Variants in ZFAND6 observed in about 807,000 individuals in gnomAD.
ZFAND6 encodes AN1-type zinc finger protein 6.
In ZFAND6, 12 loss-of-function variants were observed where a neutral mutation model predicts 24.5. That is an observed-to-expected ratio of 0.49 (90% CI 0.31 to 0.79). ZFAND6 has a LOEUF of 0.79. ZFAND6 is among the 30% of genes least tolerant of loss of function. ZFAND6 has a pLI of 0.04. For missense variants in ZFAND6, 207 were observed against 245.9 expected, an observed-to-expected ratio of 0.84 and a Z score of 1.06; for synonymous variants, 92 against 81.5, an observed-to-expected ratio of 1.13 and a Z score of -0.69.
chr15:80,122,623 G>T (rs1047700027), intron 4 of ZFAND6, 77 bp from the exon 5 acceptor site: 10 of 892,362 alleles, frequency 1.1e-5, no homozygotes, highest in Non-Finnish European at 1.8e-5. Context: ...TAGATATGTT[G>T]AACTCTTACT....
upstream of ZFAND6, among the ~76,000 whole-genome samples, chr15:80,059,407 A>C (rs2036201319): frequency 6.6e-6 from 1 of 152,280 alleles, no homozygotes; most frequent in Non-Finnish European, 1.5e-5. Context: ...CGCCCCAGAG[A>C]GGGCAGTGGA....
At chr15:80,129,152 A>G (rs1321245089) in intron 5 of ZFAND6, among the ~76,000 whole-genome samples, 1 of 152,168 alleles carries the variant, frequency 6.6e-6, no homozygotes, top group East Asian at 1.9e-4. Flanking sequence ...CTGGAGATAA[A>G]CAGTAAACAA....
At chr15:80,099,599 C>A (rs944651279) in intron 2 of ZFAND6, among the ~76,000 whole-genome samples, 3 of 142,822 alleles carry the variant, frequency 2.1e-5, no homozygotes, top group Non-Finnish European at 4.5e-5. Context: ...GTGAAGAATA[C>A]ACACTGAATA....
At chr15:80,136,343 T>C (rs931417894) in intron 6 of ZFAND6, among the ~76,000 whole-genome samples, 11 of 151,938 alleles carry the variant, frequency 7.2e-5, no homozygotes, top group African/African-American at 2.7e-4. Flanking sequence ...CGTGCACCTG[T>C]AATCCCAGCT....
intron 2 of ZFAND6, among the ~76,000 whole-genome samples, chr15:80,117,231 T>G (rs2039919172): frequency 6.6e-6 from 1 of 152,138 alleles, no homozygotes; most frequent in East Asian, 1.9e-4. Flanking sequence ...AATACTCTTT[T>G]TTTTTTTTTG....
intron 1 of ZFAND6, among the ~76,000 whole-genome samples, chr15:80,087,250 G>T (rs912498904): frequency 7.2e-5 from 11 of 152,168 alleles, no homozygotes; most frequent in African/African-American, 2.7e-4. Flanking sequence ...TTCCCAAGTG[G>T]CTGTAGTTTT....
At chr15:80,123,134 C>G (rs1251502964) in intron 5 of ZFAND6, 1 of 165,210 alleles carries the variant, frequency 6.1e-6, no homozygotes, top group Non-Finnish European at 1.3e-5. Context: ...ACTGGGGCTG[C>G]TGGTTTGAGG....
rs113239268 is a variant in ZFAND6 at position 80,069,351 on chromosome 15, G to A, written c.-181+9542G>A. Reference sequence around the variant, plus strand: ...TTATTTTGCATTAATCAGTGACCTTGTTTATCCCTTGAGACCTAAAACAAA... The same window carrying A: ...TTATTTTGCATTAATCAGTGACCTTATTTATCCCTTGAGACCTAAAACAAA... On this transcript the variant is annotated intron_variant, in intron 1 of 6. Transcript: ENST00000261749. Among the ~76,000 whole-genome samples, 141 of 152,202 alleles carry A rather than the reference G, an allele frequency of 9.3e-4. 1 individual carries two copies. Among genetic ancestry groups the A allele is most frequent in the African/African-American group, 2.5e-3 (105 of 41,534 alleles).
chr15:80,079,930 A>G lies in ZFAND6; in HGVS notation c.-180-18486A>G, dbSNP rs544928365. ...CCTCCCAAAATGCTGGATTACAGGC[A>G]TGAGCCACCACGCCTGGCCCTTAGC... On this transcript the variant is annotated intron_variant, in intron 1 of 6. Transcript: ENST00000261749. 7.9e-5 allele frequency among the ~76,000 whole-genome samples: 12 copies of G among 151,976 alleles called. No homozygotes were observed. The East Asian group carries it at 1.9e-3, about 24-fold the overall frequency.
At chr15:80,060,971 A>C (rs2141762291) in intron 1 of ZFAND6, among the ~76,000 whole-genome samples, 1 of 152,370 alleles carries the variant, frequency 6.6e-6, no homozygotes, top group South Asian at 2.1e-4. Context: ...AAACAGGATT[A>C]AATTCCTCTT....
chr15:80,098,275 GT>G, intron 1 of ZFAND6, 140 bp from the exon 2 acceptor site: 1 of 152,296 alleles, frequency 6.6e-6, no homozygotes, highest in Non-Finnish European at 1.5e-5. Context: ...CAATTGGAAT[GT>G]TTTTATTTTT....
At chr15:80,068,671 C>T (rs1242910689) in intron 1 of ZFAND6, among the ~76,000 whole-genome samples, 4 of 152,192 alleles carry the variant, frequency 2.6e-5, no homozygotes, top group African/African-American at 7.2e-5. Flanking sequence ...CGCGCTCAGC[C>T]GGTCTTGAAC....
At chr15:80,101,946 CCA>C (rs2039057453) in intron 2 of ZFAND6, among the ~76,000 whole-genome samples, 1 of 151,642 alleles carries the variant, frequency 6.6e-6, no homozygotes, top group East Asian at 1.9e-4. Context: ...GCTCCTGCCA[CCA>C]CGCCTGGCTA....
intron 1 of ZFAND6, among the ~76,000 whole-genome samples, chr15:80,071,069 G>A (rs558530476): frequency 6.6e-6 from 1 of 152,254 alleles, no homozygotes; most frequent in East Asian, 1.9e-4. Context: ...CACTTAAAGG[G>A]CATAATAGAT....
intron 2 of ZFAND6, among the ~76,000 whole-genome samples, chr15:80,118,839 G>A (rs1257039667): frequency 1.3e-5 from 2 of 151,962 alleles, no homozygotes; most frequent in Admixed American, 6.6e-5. Flanking sequence ...TCTGAAATAC[G>A]TATAAATCCT....
intron 1 of ZFAND6, among the ~76,000 whole-genome samples, chr15:80,088,585 C>G (rs1386519857): frequency 1.3e-5 from 2 of 152,088 alleles, no homozygotes; most frequent in African/African-American, 4.8e-5. Context: ...AAAACGACTT[C>G]GTCCTCACTC....
chr15:80,064,607 TACAC>T (rs9302291), intron 1 of ZFAND6, among the ~76,000 whole-genome samples: 84,095 of 150,526 alleles, frequency 0.56, 24,592 homozygotes, highest in Non-Finnish European at 0.65. Context: ...CATGTATACA[TACAC>T]ACACACACAC....
rs559796912 is a variant in ZFAND6 at position 80,071,349 on chromosome 15, C to G, written c.-181+11540C>G. Reference sequence around the variant, plus strand: ...AAGCATATTTTAAGAAGAAGTCACTCTAATAAGCTTTAATTTCGAGTTTAT... The same window carrying G: ...AAGCATATTTTAAGAAGAAGTCACTGTAATAAGCTTTAATTTCGAGTTTAT... On this transcript the variant is annotated intron_variant, in intron 1 of 6. Coordinates refer to ENST00000261749, the MANE Select transcript of ZFAND6 (RefSeq NM_019006.4). Among the ~76,000 whole-genome samples, 8 of 152,234 alleles carry G rather than the reference C, an allele frequency of 5.3e-5. No homozygotes were observed. The South Asian group carries it at 1.4e-3, about 28-fold the overall frequency.
At chr15:80,088,916 T>C (rs80206733) in intron 1 of ZFAND6, among the ~76,000 whole-genome samples, 1,892 of 152,268 alleles carry the variant, frequency 0.012, 34 homozygotes, top group African/African-American at 0.043. Context: ...TTCCCTTCTT[T>C]CCCAACATTT....
Sources: allele counts gnomAD v4.1 joint callset (sites outside exome capture counted in the v4.1 genomes callset), GRCh38; gene constraint gnomAD v4.1.1; transcripts MANE v1.5; gene names NCBI Gene and HGNC (gene_info 2026-07-23, HGNC 2026-07-21).